Variants in KAZN observed in about 807,000 individuals in gnomAD.
KAZN encodes the protein kazrin, periplakin interacting protein, also known as kazrin.
Under a neutral mutation model 87.4 loss-of-function variants are expected in KAZN, and 40 were observed. The ratio of observed to expected loss-of-function variants is 0.46; its 90% CI spans 0.36 to 0.60. The LOEUF (loss-of-function observed/expected upper bound fraction) is 0.60, where lower values mean the gene tolerates loss of function less well. KAZN is among the 20% of genes least tolerant of loss of function. KAZN has a pLI of 0.00. For synonymous variants in KAZN, 466 were observed against 458.3 expected, an observed-to-expected ratio of 1.02 and a Z score of -0.22; for missense variants, 898 against 1,073.9, an observed-to-expected ratio of 0.84 and a Z score of 2.29.
At chr1:14,527,253 T>C (rs974958628) in intron 2 of KAZN, among the ~76,000 whole-genome samples, 3 of 152,118 alleles carry the variant, frequency 2.0e-5, no homozygotes, top group Admixed American at 6.6e-5. Flanking sequence ...GAGTAATTTG[T>C]AAAGAATAGA....
chr1:14,393,986 G>A lies in KAZN; in HGVS notation c.250-204997G>A, dbSNP rs1662675670. Among the ~76,000 whole-genome samples, 3 of 152,110 alleles carry A rather than the reference G, an allele frequency of 2.0e-5. No homozygotes were observed. In the South Asian group the frequency reaches 6.2e-4, roughly 32 times the overall value. ...AGGAGAATTAGAGCTTTGCTGTTAA[G>A]GATTTGATGATCAAAGGCAGGCAGC... On this transcript the variant is annotated intron_variant, in intron 2 of 16. Transcript: ENST00000636203.
chr1:15,071,544 C>T (rs1212361547), intron 8 of KAZN, among the ~76,000 whole-genome samples: 2 of 152,144 alleles, frequency 1.3e-5, no homozygotes, highest in African/African-American at 2.4e-5. Flanking sequence ...TGTGAGCCAC[C>T]GCACCCAGCC....
At chr1:14,413,598 A>G (rs914220980) in intron 2 of KAZN, among the ~76,000 whole-genome samples, 10 of 148,258 alleles carry the variant, frequency 6.7e-5, no homozygotes, top group Admixed American at 1.3e-4. Flanking sequence ...CAAAAGAAAA[A>G]AAAAAAAAAA....
rs1363925376 is a variant in KAZN at position 14,967,576 on chromosome 1, G to A, written c.418+6701G>A. Among the ~76,000 whole-genome samples the A allele has an allele frequency of 5.3e-5, 8 of 152,200 alleles. No homozygotes were observed. The South Asian group carries it at 6.2e-4, about 12-fold the overall frequency. On this transcript the variant is annotated intron_variant, in intron 2 of 14. Transcript: ENST00000376030. ...TCGGATATCCCTGGGATGAGTCTCC[G>A]GTGGGCCCAGTGGATCACAAGGGCC...
At chr1:13,902,411 T>G (rs1320892453) in intron 1 of KAZN, among the ~76,000 whole-genome samples, 1 of 152,194 alleles carries the variant, frequency 6.6e-6, no homozygotes, top group Non-Finnish European at 1.5e-5. Flanking sequence ...ACATGTGTAG[T>G]CAGCCGGCTT....
intron 1 of KAZN, among the ~76,000 whole-genome samples, chr1:14,069,077 G>A (rs761814691): frequency 2.0e-5 from 3 of 152,164 alleles, no homozygotes; most frequent in Non-Finnish European, 4.4e-5. Context: ...GATTACAGGC[G>A]TGAGCCACCA....
In KAZN at chr1:14,251,003, C is replaced by G. The variant is rs564422175; in HGVS notation, c.249+70411C>G. ...GGAGGCATAACCAAAACAACAACAA[C>G]AAAAAACATGTTTCCCCTTCCAGAA... On this transcript the variant is annotated intron_variant, in intron 2 of 16. Transcript: ENST00000636203. 7.4e-4 allele frequency among the ~76,000 whole-genome samples: 113 copies of G among 152,116 alleles called. 1 individual carries two copies. Among genetic ancestry groups the G allele is most frequent in the African/African-American group, 2.6e-3 (106 of 41,506 alleles).
At chr1:14,539,999 C>T (rs1482332801) in intron 2 of KAZN, among the ~76,000 whole-genome samples, 1 of 152,136 alleles carries the variant, frequency 6.6e-6, no homozygotes, top group African/African-American at 2.4e-5. Context: ...CTCACCATCC[C>T]CAGCTTTCTA....
chr1:14,015,069 C>CT lies in KAZN; in HGVS notation c.91+121320dup, dbSNP rs199957002. 5.5e-3 allele frequency among the ~76,000 whole-genome samples: 831 copies of CT among 152,154 alleles called. 5 individuals are homozygous for CT. Among genetic ancestry groups the CT allele is most frequent in the African/African-American group, 0.019 (790 of 41,510 alleles). ...TATTGATTTTACTGTAATCTCTTTC[C>CT]TTTTTTTACACTTCTCAAGTTATTT... On this transcript the variant is annotated intron_variant, in intron 1 of 16. Coordinates refer to the KAZN transcript ENST00000636203.
At chr1:14,578,311 G>C (rs888589036) in intron 2 of KAZN, among the ~76,000 whole-genome samples, 1 of 152,024 alleles carries the variant, frequency 6.6e-6, no homozygotes, top group African/African-American at 2.4e-5. Flanking sequence ...TTTACCAACT[G>C]TGAAGCACCC....
At chr1:14,071,635 TGGTGTGTCCTCAGCAGGTACA>T (rs1643251381) in intron 1 of KAZN, among the ~76,000 whole-genome samples, 1 of 152,194 alleles carries the variant, frequency 6.6e-6, no homozygotes, top group Non-Finnish European at 1.5e-5. Flanking sequence ...CACTTGGACA[TGGTGTGTCCTCAGCAGGTACA>T]GGTGTGTCGC....
intron 2 of KAZN, among the ~76,000 whole-genome samples, chr1:14,575,581 T>C (rs1557810577): frequency 6.6e-6 from 1 of 152,132 alleles, no homozygotes; most frequent in Non-Finnish European, 1.5e-5. Flanking sequence ...AGCCAAACCA[T>C]GTCAAAGAGG....
intron 2 of KAZN, among the ~76,000 whole-genome samples, chr1:14,313,127 C>T (rs905928105): frequency 5.3e-5 from 8 of 151,944 alleles, no homozygotes; most frequent in African/African-American, 1.9e-4. Context: ...TCAAGCACAC[C>T]ACTGTAACCA....
chr1:13,938,060 T>C (rs534595969), intron 1 of KAZN, among the ~76,000 whole-genome samples: 5 of 152,314 alleles, frequency 3.3e-5, no homozygotes, highest in African/African-American at 1.2e-4. Flanking sequence ...CTAATTGAAA[T>C]ATGAAAAATG....
chr1:14,082,968 G>A (rs1179556297), intron 1 of KAZN, among the ~76,000 whole-genome samples: 1 of 152,220 alleles, frequency 6.6e-6, no homozygotes, highest in Non-Finnish European at 1.5e-5. Context: ...GGCCGAGGCG[G>A]GTGGATCATG....
chr1:14,089,048 C>A (rs1643915040), intron 1 of KAZN, among the ~76,000 whole-genome samples: 1 of 151,054 alleles, frequency 6.6e-6, no homozygotes, highest in Non-Finnish European at 1.5e-5. Flanking sequence ...AGGTCTACAG[C>A]AAAACTGAGA....
chr1:14,415,324 G>A (rs1387503879), intron 2 of KAZN, among the ~76,000 whole-genome samples: 1 of 152,140 alleles, frequency 6.6e-6, no homozygotes, highest in Non-Finnish European at 1.5e-5. Context: ...TTAGGGAAGA[G>A]GTTGAAGATG....
At chr1:14,885,280 T>A (rs1207636325) in intron 1 of KAZN, among the ~76,000 whole-genome samples, 1 of 152,056 alleles carries the variant, frequency 6.6e-6, no homozygotes, top group African/African-American at 2.4e-5. Context: ...TAGCCACTCC[T>A]ACGTCCTTGC....
rs115129836 is a variant in KAZN at position 14,667,901 on chromosome 1, C to T, written c.226+68678C>T. Among the ~76,000 whole-genome samples, 753 of 152,202 alleles carry T rather than the reference C, an allele frequency of 4.9e-3. 5 individuals are homozygous for T. The highest frequency in any genetic ancestry group is 0.017 in the African/African-American group (724 of 41,510). On this transcript the variant is annotated intron_variant, in intron 1 of 14. Transcript: ENST00000376030. The stretch of plus-strand genomic sequence containing the variant: ...ATCAAATCGCTCCTTGAAGCCAAAC[C>T]GGAACAAAACCCAGATTCTCTACAC...
Sources: allele counts gnomAD v4.1 joint callset (sites outside exome capture counted in the v4.1 genomes callset), GRCh38; gene constraint gnomAD v4.1.1; transcripts MANE v1.5; gene names NCBI Gene and HGNC (gene_info 2026-07-23, HGNC 2026-07-21).